EIF3H: variants seen among roughly 807,000 people sequenced by gnomAD.
EIF3H encodes eukaryotic translation initiation factor 3 subunit H, also known as eIF-3-gamma.
In EIF3H, 26 loss-of-function variants were observed where a neutral mutation model predicts 44.2. That is an observed-to-expected ratio of 0.59 (90% CI 0.43 to 0.82). The LOEUF (loss-of-function observed/expected upper bound fraction) is 0.82, where lower values mean the gene tolerates loss of function less well. Among genes scored for constraint, EIF3H ranks in the 40% least tolerant of loss-of-function variants. The pLI, the probability that EIF3H is intolerant of heterozygous loss-of-function variation, is 0.00. For missense variants in EIF3H, 359 were observed against 432.8 expected (o/e 0.83, Z 1.51); for synonymous variants, 166 against 151.9 (o/e 1.09, Z -0.68).
At chr8:116,646,449 G>T (rs1813300196) in intron 7 of EIF3H, 22 bp downstream of exon 7, 1 of 1,613,918 alleles carries the variant, frequency 6.2e-7, no homozygotes, top group African/African-American at 1.3e-5. Context: ...AACCAGCCAG[G>T]TTTTGCACTG....
At chr8:116,731,118 T>C (rs1394259315) in intron 1 of EIF3H, among the ~76,000 whole-genome samples, 1 of 152,226 alleles carries the variant, frequency 6.6e-6, no homozygotes, top group Non-Finnish European at 1.5e-5. Context: ...TCTCCTGTTA[T>C]ATTTTGCTTA....
intron 2 of EIF3H, chr8:116,689,286 T>C (rs1421598097): frequency 1.4e-5 from 4 of 287,872 alleles, no homozygotes; most frequent in African/African-American, 8.9e-5. Flanking sequence ...GGAAGGGTGA[T>C]GGGGTTTCTC....
At chr8:116,687,133 A>G (rs1351422643) in intron 2 of EIF3H, among the ~76,000 whole-genome samples, 2 of 152,222 alleles carry the variant, frequency 1.3e-5, no homozygotes, top group Non-Finnish European at 2.9e-5. Flanking sequence ...AGGCCACTGC[A>G]GTAATTCATG....
intron 2 of EIF3H, among the ~76,000 whole-genome samples, chr8:116,720,752 T>C (rs1041331602): frequency 6.6e-6 from 1 of 152,090 alleles, no homozygotes; most frequent in Admixed American, 6.5e-5. Context: ...TGTTGGGAAC[T>C]GTAATAAAAA....
In EIF3H at chr8:116,755,745, GT is replaced by G; in HGVS notation, c.52del (p.Thr18ProfsTer19). The G allele has an allele frequency of 6.2e-7, 1 of 1,614,180 alleles. No individual in the cohort carries two copies. Among genetic ancestry groups the G allele is most frequent in the Non-Finnish European group, 8.5e-7 (1 of 1,180,038 alleles). The part of the protein sequence containing the change: ...TGSTATSSSS[T>X]AGAAGKGKGK... ...TTTGCCTTTCCCTGCTGCGCCGGCG[GT>G]GGAGCTGGAAGAGGTGGCAGTAGAG... On this transcript the variant is annotated frameshift_variant, in exon 1 of 8. Transcript: ENST00000521861. LOFTEE classifies it high-confidence loss of function.
intron 2 of EIF3H, among the ~76,000 whole-genome samples, chr8:116,671,095 T>C (rs1355447337): frequency 6.6e-6 from 1 of 152,244 alleles, no homozygotes; most frequent in African/African-American, 2.4e-5. Context: ...AATTAACTTC[T>C]ATGGGCTATA....
upstream of EIF3H, chr8:116,756,139 G>C: frequency 1.1e-6 from 1 of 871,816 alleles, no homozygotes; most frequent in Non-Finnish European, 1.8e-6. Flanking sequence ...TTTCATTTCT[G>C]ATCTTGCAAT....
chr8:116,752,851 GA>G (rs141864377), intron 1 of EIF3H, among the ~76,000 whole-genome samples: 18,866 of 133,792 alleles, frequency 0.14, 3,178 homozygotes, highest in African/African-American at 0.34. Context: ...GAAAAGAAAA[GA>G]AAAAAGAGAG....
At chr8:116,766,359 T>G (rs1815574423), upstream of EIF3H, 3 of 422,708 alleles carry the variant, frequency 7.1e-6, no homozygotes, top group Non-Finnish European at 1.3e-5. Flanking sequence ...CCCCAGCGGT[T>G]TTCCAGCGTA....
chr8:116,645,176 AG>A (rs1323129997), intron 7 of EIF3H, 73 bp from the exon 8 acceptor site: 1 of 1,157,864 alleles, frequency 8.6e-7, no homozygotes, highest in Non-Finnish European at 1.3e-6. Flanking sequence ...CTAGTCAAAC[AG>A]AAAAATCAGC....
chr8:116,735,603 T>C (rs916384572), intron 1 of EIF3H, among the ~76,000 whole-genome samples: 5 of 152,128 alleles, frequency 3.3e-5, no homozygotes, highest in Non-Finnish European at 5.9e-5. Context: ...TTTGGAATAG[T>C]TGCATTTTCA....
chr8:116,749,508 G>A (rs1815292970), intron 1 of EIF3H, among the ~76,000 whole-genome samples: 1 of 152,150 alleles, frequency 6.6e-6, no homozygotes, highest in Non-Finnish European at 1.5e-5. Context: ...ACATAAGAAA[G>A]GTAAAATTCA....
upstream of EIF3H, among the ~76,000 whole-genome samples, chr8:116,756,432 A>G (rs1815450639): frequency 6.6e-6 from 1 of 152,228 alleles, no homozygotes; most frequent in South Asian, 2.1e-4. Context: ...TACAGAATAT[A>G]TTTTCTAAAA....
At chr8:116,743,795 TATAAACAC>T (rs1282511911) in intron 1 of EIF3H, among the ~76,000 whole-genome samples, 22 of 48,408 alleles carry the variant, frequency 4.5e-4, no homozygotes, top group African/African-American at 1.6e-3. Context: ...TATATATATA[TATAAACAC>T]ACACACACAC....
chr8:116,677,971 T>G (rs1268413091), intron 2 of EIF3H, among the ~76,000 whole-genome samples: 1 of 152,250 alleles, frequency 6.6e-6, no homozygotes, highest in Non-Finnish European at 1.5e-5. Flanking sequence ...AATATATTCA[T>G]GCTTTCAAGA....
At chr8:116,648,982 C>T (rs1813348641) in intron 5 of EIF3H, 56 bp from the exon 6 acceptor site, 1 of 1,500,022 alleles carries the variant, frequency 6.7e-7, no homozygotes, top group Admixed American at 1.9e-5. Flanking sequence ...AGCTTTGCTA[C>T]TGCTCTAAAC....
chr8:116,688,072 T>C (rs1384633336), intron 2 of EIF3H, among the ~76,000 whole-genome samples: 4 of 152,164 alleles, frequency 2.6e-5, no homozygotes, highest in Admixed American at 2.6e-4. Flanking sequence ...CCTTCACTTA[T>C]GTAAGATACA....
rs566187549 is a variant in EIF3H at position 116,702,166 on chromosome 8, T to C, written c.289+23850A>G. On this transcript the variant is annotated intron_variant, in intron 2 of 7. Transcript: ENST00000521861. Reference sequence around the variant, plus strand: ...GAAATATGGGAAGGAGTTGATCAGCTGGAATGGGGAAGGGGGTAGAGAAAA... The same window carrying C: ...GAAATATGGGAAGGAGTTGATCAGCCGGAATGGGGAAGGGGGTAGAGAAAA... 2.6e-5 allele frequency among the ~76,000 whole-genome samples: 4 copies of C among 152,256 alleles called. No homozygotes were observed. In the East Asian group the frequency reaches 7.7e-4, roughly 29 times the overall value.
intron 2 of EIF3H, among the ~76,000 whole-genome samples, chr8:116,703,943 A>G (rs2130885413): frequency 6.6e-6 from 1 of 152,304 alleles, no homozygotes; most frequent in South Asian, 2.1e-4. Context: ...ATGAGAATCT[A>G]ATGCCACAGC....
Sources: gnomAD v4.1 joint callset for allele counts (sites outside exome capture counted in the v4.1 genomes callset) on GRCh38, gnomAD v4.1.1 for gene constraint, MANE v1.5 for transcripts, NCBI Gene and HGNC (gene_info 2026-07-23, HGNC 2026-07-21) for gene names.